FBXO36: variants seen among roughly 807,000 people sequenced by gnomAD.
FBXO36 encodes F-box protein 36.
In FBXO36, 18 loss-of-function variants were observed where a neutral mutation model predicts 17.0. The ratio of observed to expected loss-of-function variants is 1.06; its 90% CI spans 0.73 to 1.57. FBXO36 has a LOEUF of 1.57. FBXO36 is among the 40% of genes most tolerant of loss of function. The pLI is 0.00. For synonymous variants in FBXO36, 83 were observed against 85.3 expected (o/e 0.97, Z 0.15); for missense variants, 229 against 221.9 (o/e 1.03, Z -0.20).
intron 1 of FBXO36, among the ~76,000 whole-genome samples, chr2:229,925,121 TA>T (rs991760511): frequency 6.6e-6 from 1 of 151,602 alleles, no homozygotes; most frequent in African/African-American, 2.4e-5. Flanking sequence ...TTTATTTATT[TA>T]TTTTTTATTT....
intron 1 of FBXO36, among the ~76,000 whole-genome samples, 154 bp downstream of exon 1, chr2:229,922,763 C>T (rs775311980): frequency 2.6e-4 from 40 of 152,232 alleles, no homozygotes; most frequent in Non-Finnish European, 4.9e-4. Flanking sequence ...GTCACCTCGG[C>T]CTCCTCGGTC....
At chr2:229,983,102 G>A (rs932353111) in intron 2 of FBXO36, among the ~76,000 whole-genome samples, 3 of 151,916 alleles carry the variant, frequency 2.0e-5, no homozygotes, top group East Asian at 1.9e-4. Flanking sequence ...CCTGCCGGGC[G>A]CGGTGGCTCA....
intron 1 of FBXO36, among the ~76,000 whole-genome samples, chr2:229,951,299 AG>A (rs1040446001): frequency 6.8e-6 from 1 of 147,630 alleles, no homozygotes; most frequent in African/African-American, 2.5e-5. Context: ...GCTGGATTTC[AG>A]TGGCGTGATC....
intron 1 of FBXO36, among the ~76,000 whole-genome samples, chr2:229,973,011 G>A (rs933025848): frequency 2.0e-5 from 3 of 151,342 alleles, no homozygotes; most frequent in Admixed American, 6.6e-5. Flanking sequence ...GCAGTGAGCC[G>A]AGATCCTGCC....
At chr2:229,944,635 C>CA (rs1380101565) in intron 1 of FBXO36, among the ~76,000 whole-genome samples, 1 of 145,398 alleles carries the variant, frequency 6.9e-6, no homozygotes, top group Non-Finnish European at 1.5e-5. Context: ...CTCTGTCGCC[C>CA]AGGCTGGAGT....
chr2:229,935,841 CA>C (rs771375316), intron 1 of FBXO36, among the ~76,000 whole-genome samples: 5 of 152,130 alleles, frequency 3.3e-5, no homozygotes, highest in Non-Finnish European at 7.4e-5. Context: ...CACTGAGGAG[CA>C]AAAGTATGTA....
chr2:230,002,544 C>T (rs563072811), intron 3 of FBXO36, among the ~76,000 whole-genome samples: 2 of 152,226 alleles, frequency 1.3e-5, no homozygotes, highest in Non-Finnish European at 2.9e-5. Context: ...CCACCATACC[C>T]AGCTAATTTT....
chr2:229,962,558 T>G (rs191184690), intron 1 of FBXO36, among the ~76,000 whole-genome samples: 27 of 114,790 alleles, frequency 2.4e-4, no homozygotes, highest in Non-Finnish European at 3.9e-4. Context: ...ATTGTAGAGA[T>G]AGAGTTGCAC....
intron 2 of FBXO36, among the ~76,000 whole-genome samples, chr2:229,990,284 T>TAC (rs1361687412): frequency 6.7e-6 from 1 of 149,956 alleles, no homozygotes; most frequent in Non-Finnish European, 1.5e-5. Context: ...TTTATATATA[T>TAC]ACATATTAGA....
In FBXO36 at chr2:229,926,995, G is replaced by A. The variant is rs182033933; in HGVS notation, c.96+4386G>A. 5.0e-3 allele frequency among the ~76,000 whole-genome samples: 760 copies of A among 151,994 alleles called. 5 individuals are homozygous for A. Among genetic ancestry groups the A allele is most frequent in the South Asian group, 0.035 (168 of 4,798 alleles). ...CTGCCTCAGCCTCCTGAGTACCTGGGATTACAGGCACCCGCCACCATGCCC... is the reference window on the plus strand; with the variant it reads ...CTGCCTCAGCCTCCTGAGTACCTGGAATTACAGGCACCCGCCACCATGCCC... On this transcript the variant is annotated intron_variant, in intron 1 of 3. Transcript: ENST00000283946.
At chr2:229,964,590 G>A (rs1281864189) in intron 1 of FBXO36, among the ~76,000 whole-genome samples, 1 of 152,100 alleles carries the variant, frequency 6.6e-6, no homozygotes, top group Non-Finnish European at 1.5e-5. Flanking sequence ...GTGCGATCTC[G>A]GCTTACCACA....
At chr2:230,002,717 A>G (rs555997839) in intron 3 of FBXO36, among the ~76,000 whole-genome samples, 2 of 152,166 alleles carry the variant, frequency 1.3e-5, no homozygotes, top group Non-Finnish European at 2.9e-5. Context: ...TCATCCTTCA[A>G]AAAACAAAAA....
chr2:229,963,468 G>A (rs1310307289), intron 1 of FBXO36, among the ~76,000 whole-genome samples: 6 of 142,852 alleles, frequency 4.2e-5, no homozygotes, highest in Non-Finnish European at 6.0e-5. Flanking sequence ...TTTTCGAGGC[G>A]GAGTCTCACT....
chr2:229,978,692 A>C (rs1428002694), intron 2 of FBXO36, among the ~76,000 whole-genome samples: 1 of 151,916 alleles, frequency 6.6e-6, no homozygotes. Flanking sequence ...AAGTACTTTC[A>C]CTCTCATTTT....
At chr2:229,983,191 C>T (rs530867034) in intron 2 of FBXO36, among the ~76,000 whole-genome samples, 186 of 152,112 alleles carry the variant, frequency 1.2e-3, no homozygotes, top group Non-Finnish European at 2.1e-3. Flanking sequence ...GCCTGACCAA[C>T]ATGGAGAAAC....
At chr2:230,004,306 C>A (rs1257487608) in intron 3 of FBXO36, among the ~76,000 whole-genome samples, 1 of 152,178 alleles carries the variant, frequency 6.6e-6, no homozygotes, top group Non-Finnish European at 1.5e-5. Flanking sequence ...ACTTCATATA[C>A]CCACCTTAAC....
rs183827859 is a variant in FBXO36 at position 229,997,376 on chromosome 2, G to C, written c.378+453G>C. Among the ~76,000 whole-genome samples, 22 of 151,790 alleles carry C rather than the reference G, an allele frequency of 1.4e-4. No homozygotes were observed. In the East Asian group the frequency reaches 4.3e-3, roughly 30 times the overall value. ...GTGGATCACCTGAGGTCAGGAGTTT[G>C]AGACCAGCCTGGCCAACATGGGGAA... is the stretch of plus-strand genomic sequence containing the variant. On this transcript the variant is annotated intron_variant, in intron 3 of 3. Transcript: ENST00000283946.
At chr2:230,002,734 T>C (rs2077366504) in intron 3 of FBXO36, among the ~76,000 whole-genome samples, 1 of 152,200 alleles carries the variant, frequency 6.6e-6, no homozygotes, top group African/African-American at 2.4e-5. Context: ...AAAACTATCC[T>C]TATCCAATCT....
chr2:230,006,105 G>GTTT (rs577192144), intron 3 of FBXO36, among the ~76,000 whole-genome samples: 6 of 124,666 alleles, frequency 4.8e-5, no homozygotes, highest in East Asian at 2.2e-4. Flanking sequence ...TTTTATTTTA[G>GTTT]TTTTTTTTTT....
Sources: allele counts gnomAD v4.1 joint callset (sites outside exome capture counted in the v4.1 genomes callset), GRCh38; gene constraint gnomAD v4.1.1; transcripts MANE v1.5; gene names NCBI Gene and HGNC (gene_info 2026-07-23, HGNC 2026-07-21).